UNC13C: variants seen among roughly 807,000 people sequenced by gnomAD.
UNC13C encodes the protein protein unc-13 homolog C.
In UNC13C, 174 loss-of-function variants were observed where a neutral mutation model predicts 245.4. The observed-to-expected ratio is 0.71, with a 90% CI of 0.63 to 0.80. The LOEUF is 0.80. UNC13C is among the 30% of genes least tolerant of loss of function. The pLI, the probability that UNC13C is intolerant of heterozygous loss-of-function variation, is 0.00. For missense variants in UNC13C, 2,829 were observed against 2,602.9 expected, an observed-to-expected ratio of 1.09 and a Z score of -1.89; for synonymous variants, 992 against 895.1, an observed-to-expected ratio of 1.11 and a Z score of -1.93.
intron 32 of UNC13C, among the ~76,000 whole-genome samples, chr15:54,626,021 C>A (rs1901117185): frequency 6.6e-6 from 1 of 152,004 alleles, no homozygotes; most frequent in African/African-American, 2.4e-5. Context: ...AATGTTTCAT[C>A]AGAAAAAAAT....
At chr15:54,472,115 T>C (rs545364917) in intron 19 of UNC13C, among the ~76,000 whole-genome samples, 4 of 151,928 alleles carry the variant, frequency 2.6e-5, no homozygotes, top group African/African-American at 9.6e-5. Context: ...TTTTATCTTT[T>C]GTACATCTAT....
intron 4 of UNC13C, among the ~76,000 whole-genome samples, chr15:54,214,111 A>G (rs924424196): frequency 1.5e-4 from 23 of 152,016 alleles, no homozygotes; most frequent in African/African-American, 5.5e-4. Flanking sequence ...ACAGTACCTG[A>G]TGTACAGTTG....
At chr15:54,143,115 C>T (rs2032100056) in intron 3 of UNC13C, 75 bp downstream of exon 3, 4 of 1,350,420 alleles carry the variant, frequency 3.0e-6, no homozygotes, top group Non-Finnish European at 4.2e-6. Context: ...CATATTAGAT[C>T]TGTTTGATTC....
At chr15:54,404,847 G>A (rs1475256653) in intron 18 of UNC13C, among the ~76,000 whole-genome samples, 1 of 152,104 alleles carries the variant, frequency 6.6e-6, no homozygotes, top group Non-Finnish European at 1.5e-5. Context: ...TACTTCTGAA[G>A]TTCATAAAAC....
At chr15:54,402,994 C>T (rs536321116) in intron 18 of UNC13C, among the ~76,000 whole-genome samples, 3 of 152,302 alleles carry the variant, frequency 2.0e-5, no homozygotes, top group African/African-American at 7.2e-5. Flanking sequence ...GGCCTAATGC[C>T]TGCATTGAGT....
the UNC13C span, among the ~76,000 whole-genome samples, chr15:53,929,612 G>T: frequency 2.0e-5 from 3 of 152,292 alleles, no homozygotes; most frequent in South Asian, 2.1e-4. Context: ...TTTGGGCCTT[G>T]CTCTTGTACT....
chr15:54,181,961 A>G (rs990543836), intron 4 of UNC13C, among the ~76,000 whole-genome samples: 1 of 152,026 alleles, frequency 6.6e-6, no homozygotes, highest in South Asian at 2.1e-4. Context: ...TTCTAGATAT[A>G]TGATCATATT....
chr15:53,854,656 G>A, the UNC13C span, among the ~76,000 whole-genome samples: 3 of 152,070 alleles, frequency 2.0e-5, no homozygotes, highest in Non-Finnish European at 4.4e-5. Context: ...TGGTTTATGT[G>A]TCTGTTTTTG....
At chr15:54,484,619 GT>G (rs1893309172) in intron 19 of UNC13C, among the ~76,000 whole-genome samples, 1 of 152,140 alleles carries the variant, frequency 6.6e-6, no homozygotes, top group African/African-American at 2.4e-5. Flanking sequence ...AAGTGAACAT[GT>G]TTTCACTTTA....
At chr15:54,021,173 AT>A (rs924185618) in intron 2 of UNC13C, among the ~76,000 whole-genome samples, 27 of 149,208 alleles carry the variant, frequency 1.8e-4, no homozygotes, top group African/African-American at 2.2e-4. Context: ...CACCTTACAT[AT>A]TTTTTTTTTA....
intron 4 of UNC13C, among the ~76,000 whole-genome samples, chr15:54,144,175 T>C (rs2032153615): frequency 6.6e-6 from 1 of 152,230 alleles, no homozygotes; most frequent in Admixed American, 6.5e-5. Flanking sequence ...AAATAATGTA[T>C]GAAATTTATT....
intron 14 of UNC13C, among the ~76,000 whole-genome samples, chr15:54,322,769 G>A (rs1390916889): frequency 1.3e-5 from 2 of 152,022 alleles, no homozygotes; most frequent in African/African-American, 2.4e-5. Context: ...TAAACTAAGA[G>A]TATTTCTAGT....
chr15:53,999,841 G>A lies in UNC13C; in HGVS notation c.-256-12807G>A, dbSNP rs1480730327. ...AACTTTAAAAGATAGCTGTGGAGAT[G>A]GAGTGTTTATAGATATTTCATTCTT... On this transcript the variant is annotated intron_variant, in intron 1 of 32. Transcript: ENST00000260323. Among the ~76,000 whole-genome samples the A allele has an allele frequency of 2.0e-5, 3 of 151,992 alleles. No individual in the cohort carries two copies. In the East Asian group the frequency reaches 5.8e-4, roughly 29 times the overall value.
In UNC13C at chr15:54,627,128, G is replaced by C. The variant is rs1901224655; in HGVS notation, c.*15G>C. The stretch of plus-strand genomic sequence containing the variant: ...AGAGTGCTTGAAACAAACACTGCAA[G>C]CTAAATACATAACTATAATTGTTTG... On this transcript the variant is annotated 3_prime_UTR_variant, in exon 33 of 33. Coordinates refer to ENST00000260323, the MANE Select transcript of UNC13C (RefSeq NM_001080534.3). 6.3e-7 allele frequency: 1 copy of C among 1,595,344 alleles called. No individual in the cohort carries two copies. Among genetic ancestry groups the C allele is most frequent in the African/African-American group, 1.3e-5 (1 of 74,368 alleles).
intron 19 of UNC13C, among the ~76,000 whole-genome samples, chr15:54,424,515 C>T (rs1170913998): frequency 6.6e-6 from 1 of 151,820 alleles, no homozygotes; most frequent in East Asian, 1.9e-4. Context: ...TGCGACCTGG[C>T]TGCAAATTGA....
chr15:54,189,339 T>A (rs1304837495), intron 4 of UNC13C, among the ~76,000 whole-genome samples: 2 of 152,212 alleles, frequency 1.3e-5, no homozygotes, highest in African/African-American at 4.8e-5. Flanking sequence ...ATTTCTTTTC[T>A]TATAAAGTGG....
At chr15:54,552,391 AAT>A (rs1251756051) in intron 28 of UNC13C, among the ~76,000 whole-genome samples, 1 of 97,840 alleles carries the variant, frequency 1.0e-5, no homozygotes, top group Non-Finnish European at 1.8e-5. Context: ...CATATAATAT[AAT>A]ATATAATTAT....
the UNC13C span, among the ~76,000 whole-genome samples, chr15:53,956,612 G>A: frequency 6.7e-6 from 1 of 150,230 alleles, no homozygotes; most frequent in African/African-American, 2.5e-5. Flanking sequence ...GAAAAAGGGA[G>A]AAGCTTGATG....
intron 10 of UNC13C, among the ~76,000 whole-genome samples, chr15:54,273,289 T>C (rs2036736481): frequency 6.6e-6 from 1 of 152,190 alleles, no homozygotes; most frequent in South Asian, 2.1e-4. Flanking sequence ...GAGAGTTTAT[T>C]CACCTATATC....
Sources: allele counts gnomAD v4.1 joint callset (sites outside exome capture counted in the v4.1 genomes callset), GRCh38; gene constraint gnomAD v4.1.1; transcripts MANE v1.5; gene names NCBI Gene and HGNC (gene_info 2026-07-23, HGNC 2026-07-21).